CNNM2: variants seen among roughly 807,000 people sequenced by gnomAD.
CNNM2 encodes the protein cyclin and CBS domain divalent metal cation transport mediator 2, also known as metal transporter CNNM2.
Under a neutral mutation model 66.9 loss-of-function variants are expected in CNNM2, and 12 were observed. The observed-to-expected ratio is 0.18, with a 90% CI of 0.11 to 0.29. The LOEUF (loss-of-function observed/expected upper bound fraction) is 0.29, where lower values mean the gene tolerates loss of function less well. Among genes scored for constraint, CNNM2 ranks in the 10% least tolerant of loss-of-function variants. The pLI is 1.00. For missense variants in CNNM2, 705 were observed against 1,167.7 expected (o/e 0.60, Z 5.77); for synonymous variants, 557 against 501.8 (o/e 1.11, Z -1.47).
chr10:102,927,476 T>A (rs1432697365), intron 1 of CNNM2: 27 of 1,593,730 alleles, frequency 1.7e-5, no homozygotes, highest in Non-Finnish European at 2.2e-5. Flanking sequence ...GGGGTGGCAG[T>A]TGGCTGGGCG....
At chr10:102,970,126 G>T (rs1011515663) in intron 1 of CNNM2, among the ~76,000 whole-genome samples, 6 of 152,244 alleles carry the variant, frequency 3.9e-5, no homozygotes, top group African/African-American at 1.2e-4. Context: ...CAGGAGTAAA[G>T]AATTTTATTT....
intron 4 of CNNM2, among the ~76,000 whole-genome samples, chr10:103,060,001 T>C (rs550754138): frequency 2.2e-3 from 340 of 152,112 alleles, no homozygotes; most frequent in Non-Finnish European, 4.2e-3. Context: ...TTAGCCGGGT[T>C]TGGTGACAGG....
At position 103,074,738 on chromosome 10, in the gene CNNM2, G is replaced by A. The variant is rs192681727; in HGVS notation, c.2234-1348G>A. Among the ~76,000 whole-genome samples, 3 of 152,296 alleles carry A rather than the reference G, an allele frequency of 2.0e-5. No individual in the cohort carries two copies. In the East Asian group the frequency reaches 5.8e-4, roughly 29 times the overall value. ...AGTCCCAGCTACTCAGGAGGCTGAG[G>A]TAGGAGGATCCCCTGAGCCCAGGAG... On this transcript the variant is annotated intron_variant, in intron 6 of 7. Transcript: ENST00000369878.
chr10:102,919,007 A>G lies in CNNM2; in HGVS notation c.527A>G (p.Glu176Gly). ...NRRTSGIIEI[E>G]IKPLRKMEKS... ...CGCACCTCGGGCATCATCGAGATCG[A>G]GATCAAACCGCTACGCAAGATGGAG... is the stretch of plus-strand genomic sequence containing the variant. Residue 176 changes from glutamate to glycine, a missense_variant, in exon 1 of 8, where the codon GAG becomes GGG. By Grantham distance (98) the Glu-to-Gly change is moderately conservative (BLOSUM62 -2). This residue lies in a region of CNNM2 where 100 missense variants were observed against 151.9 expected (regional missense o/e 0.66). Transcript: ENST00000369878. 6.2e-7 allele frequency: 1 copy of G among 1,612,794 alleles called. No individual in the cohort carries two copies. Among genetic ancestry groups the G allele is most frequent in the Non-Finnish European group, 8.5e-7 (1 of 1,179,516 alleles).
intron 4 of CNNM2, among the ~76,000 whole-genome samples, chr10:103,062,721 G>C (rs1449405671): frequency 6.6e-6 from 1 of 152,212 alleles, no homozygotes; most frequent in Non-Finnish European, 1.5e-5. Context: ...GTGTGTCCAA[G>C]ATGTCTGCAC....
chr10:103,038,187 T>C lies in CNNM2; in HGVS notation c.1622-11520T>C, dbSNP rs371348739. 3.3e-5 allele frequency among the ~76,000 whole-genome samples: 5 copies of C among 152,206 alleles called. No individual in the cohort carries two copies. In the East Asian group the frequency reaches 9.6e-4, roughly 29 times the overall value. ...AACTTTCCTAACATGTAAATGTTGATGTCCTTGAGGGTAACCATACCTTTC... is the reference window on the plus strand; with the variant it reads ...AACTTTCCTAACATGTAAATGTTGACGTCCTTGAGGGTAACCATACCTTTC... On this transcript the variant is annotated intron_variant, in intron 1 of 7. Coordinates refer to ENST00000369878, the MANE Select transcript of CNNM2 (RefSeq NM_017649.5).
At chr10:103,027,552 G>GT (rs2064730744) in intron 1 of CNNM2, 1 of 152,204 alleles carries the variant, frequency 6.6e-6, no homozygotes, top group Non-Finnish European at 1.5e-5. Flanking sequence ...AATTTGTAGA[G>GT]TTGCTATATT....
chr10:103,006,983 T>A (rs2064241316), intron 1 of CNNM2, among the ~76,000 whole-genome samples: 1 of 152,108 alleles, frequency 6.6e-6, no homozygotes, highest in Non-Finnish European at 1.5e-5. Flanking sequence ...CCCAATAAAT[T>A]TCTATCAGGG....
intron 1 of CNNM2, among the ~76,000 whole-genome samples, chr10:102,957,231 G>C (rs1246391656): frequency 6.6e-6 from 1 of 152,184 alleles, no homozygotes. Context: ...CCTTGTACCT[G>C]GGAGGCGGAG....
At chr10:102,969,732 C>T (rs1313771694) in intron 1 of CNNM2, among the ~76,000 whole-genome samples, 1 of 151,712 alleles carries the variant, frequency 6.6e-6, no homozygotes, top group Non-Finnish European at 1.5e-5. Flanking sequence ...GCAACCTCTG[C>T]CTCTGGGTTC....
intron 1 of CNNM2, among the ~76,000 whole-genome samples, chr10:103,040,105 T>G (rs968123273): frequency 2.6e-5 from 4 of 151,978 alleles, no homozygotes; most frequent in Admixed American, 6.6e-5. Flanking sequence ...AGGTAGAGGT[T>G]GTAATGAGCC....
chr10:103,029,550 A>G (rs925102402), intron 1 of CNNM2, among the ~76,000 whole-genome samples: 2 of 151,714 alleles, frequency 1.3e-5, no homozygotes, highest in African/African-American at 2.4e-5. Flanking sequence ...CCTTCCTTCA[A>G]TAATCTCACA....
chr10:102,919,167 C>G lies in CNNM2; in HGVS notation c.687C>G (p.Ala229=). The G allele has an allele frequency of 6.2e-7, 1 of 1,611,080 alleles. No individual in the cohort carries two copies. Among genetic ancestry groups the G allele is most frequent in the Non-Finnish European group, 8.5e-7 (1 of 1,179,896 alleles). The change falls in exon 1 of 8, where the codon GCC becomes GCG. Residue 229 remains alanine, a synonymous_variant. Transcript: ENST00000369878. ...GVAGLPPPPW[A]ETTWIYHDGE... Reference sequence around the variant, plus strand: ...CCGGGCTCCCGCCGCCCCCGTGGGCCGAGACCACCTGGATTTACCACGACG... The same window carrying G: ...CCGGGCTCCCGCCGCCCCCGTGGGCGGAGACCACCTGGATTTACCACGACG...
At chr10:102,924,346 A>G (rs1845770520) in intron 1 of CNNM2, among the ~76,000 whole-genome samples, 1 of 152,228 alleles carries the variant, frequency 6.6e-6, no homozygotes, top group Non-Finnish European at 1.5e-5. Flanking sequence ...TTTTAGCTTT[A>G]TAACAGTTGC....
intron 1 of CNNM2, among the ~76,000 whole-genome samples, chr10:102,930,852 T>C (rs911732298): frequency 1.3e-5 from 2 of 152,242 alleles, no homozygotes; most frequent in Non-Finnish European, 2.9e-5. Flanking sequence ...GGTTCATCCA[T>C]GTTGTAGCAT....
rs12774555 is a variant in CNNM2 at position 102,937,950 on chromosome 10, G to A, written c.1621+17849G>A. 0.13 allele frequency among the ~76,000 whole-genome samples: 20,165 copies of A among 151,890 alleles called. 1,564 individuals are homozygous for A. The highest frequency in any genetic ancestry group is 0.19 in the East Asian group (991 of 5,116). Reference sequence around the variant, plus strand: ...CCAGAAACGTTTAATTTAACTATAGGATAAGTTAGCTATCATTTAGGTGCC... The same window carrying A: ...CCAGAAACGTTTAATTTAACTATAGAATAAGTTAGCTATCATTTAGGTGCC... On this transcript the variant is annotated intron_variant, in intron 1 of 7. Transcript: ENST00000369878.
At chr10:103,014,303 T>A (rs145245411) in intron 1 of CNNM2, among the ~76,000 whole-genome samples, 214 of 152,350 alleles carry the variant, frequency 1.4e-3, no homozygotes, top group Non-Finnish European at 2.5e-3. Flanking sequence ...ATACTAACGA[T>A]GGTGATAATC....
intron 1 of CNNM2, among the ~76,000 whole-genome samples, chr10:103,042,805 T>C (rs1268366486): frequency 6.6e-6 from 1 of 152,210 alleles, no homozygotes; most frequent in African/African-American, 2.4e-5. Flanking sequence ...AATATGCAAA[T>C]TGGCTTCCTC....
At position 103,077,087 on chromosome 10, in the gene CNNM2, G is replaced by T; in HGVS notation, c.2535G>T (p.Gly845=). 1 of 1,613,970 alleles carries T rather than the reference G, an allele frequency of 6.2e-7. No individual in the cohort carries two copies. Among genetic ancestry groups the T allele is most frequent in the Non-Finnish European group, 8.5e-7 (1 of 1,179,888 alleles). The stretch of plus-strand genomic sequence containing the variant: ...TGACTCTTACGGAGCTGCATGACGG[G>T]TTGCCAGACGAGACAGCCAACCTGC... ...IELTLTELHD[G]LPDETANLLN... is the part of the protein sequence containing the mutation. Residue 845 remains glycine, a synonymous_variant, in exon 8 of 8, where the codon GGG becomes GGT. Transcript: ENST00000369878.
Sources: allele counts gnomAD v4.1 joint callset (sites outside exome capture counted in the v4.1 genomes callset), GRCh38; gene constraint gnomAD v4.1.1; regional missense constraint gnomAD v4.1.1; transcripts MANE v1.5; gene names NCBI Gene and HGNC (gene_info 2026-07-23, HGNC 2026-07-21).